The following INTS2 variants were observed in gnomAD, a reference collection of about 807,000 sequenced individuals.
INTS2 encodes the protein integrator complex subunit 2, also known as KIAA1287.
Under a neutral mutation model 139.6 loss-of-function variants are expected in INTS2, and 57 were observed. That is an observed-to-expected ratio of 0.41 (90% CI 0.33 to 0.51). The LOEUF is 0.51. INTS2 is among the 20% of genes least tolerant of loss of function. INTS2 has a pLI of 0.28. For missense variants in INTS2, 1,196 were observed against 1,436.7 expected (o/e 0.83, Z 2.71); for synonymous variants, 473 against 493.4 (o/e 0.96, Z 0.55).
rs1298186904 is a variant in INTS2, at chr17:61,915,091, C to A, written c.650-3021G>T. Among the ~76,000 whole-genome samples the A allele has an allele frequency of 2.6e-5, 4 of 151,938 alleles. No individual in the cohort carries two copies. The South Asian group carries it at 6.2e-4, about 24-fold the overall frequency. ...CGGTGGCTCACGCCTATAATCCCAG[C>A]ACTTTGGGAGGCCAAGGCAGGCGAT... is the stretch of plus-strand genomic sequence containing the variant. On this transcript the variant is annotated intron_variant, in intron 5 of 24. Transcript: ENST00000251334.
At chr17:61,923,717 T>C (rs545515465) in intron 3 of INTS2, among the ~76,000 whole-genome samples, 13 of 152,242 alleles carry the variant, frequency 8.5e-5, no homozygotes, top group African/African-American at 3.1e-4. Context: ...TTTACTCTTG[T>C]TGCCTAGGCT....
intron 7 of INTS2, chr17:61,910,807 T>A (rs2079519049): frequency 6.6e-6 from 1 of 152,130 alleles, no homozygotes; most frequent in Non-Finnish European, 1.5e-5. Context: ...CCAGTTCTCA[T>A]GAGTCTGGCC....
chr17:61,897,668 C>T lies in INTS2; in HGVS notation c.1379G>A (p.Ser460Asn). The change falls in exon 10 of 25, where the codon AGT (serine) becomes AAT (asparagine). Residue 460 changes from serine to asparagine, a missense_variant and splice_region_variant. Ser to Asn is a conservative substitution (Grantham distance 46, BLOSUM62 1). Around this residue, in one of 3 missense-constraint regions of INTS2, gnomAD observed 1,129 missense variants for 1,341.9 expected, o/e 0.84. Coordinates refer to ENST00000251334, the MANE Select transcript of INTS2 (RefSeq NM_001351695.2). This position sits in a 1 kb window ranked among gnomAD's most constrained non-coding sequence, Gnocchi z 4.4. ...AACTAACTAAATCAAATTATCTTACCTCTCAAAATACGCTTCTTCTTTTAT... is the reference window on the plus strand; with the variant it reads ...AACTAACTAAATCAAATTATCTTACTTCTCAAAATACGCTTCTTCTTTTAT... The part of the protein sequence containing the change: ...WMIKEEAYFE[S>N]TSGVSASFGE... 1.2e-6 allele frequency: 2 copies of T among 1,601,862 alleles called. No individual in the cohort carries two copies. Among genetic ancestry groups the T allele is most frequent in the Non-Finnish European group, 1.7e-6 (2 of 1,173,142 alleles).
At chr17:61,922,543 T>TATATATATATAC (rs1240177230) in intron 3 of INTS2, among the ~76,000 whole-genome samples, 12 of 125,680 alleles carry the variant, frequency 9.5e-5, no homozygotes, top group African/African-American at 2.6e-4. Flanking sequence ...TATATATATA[T>TATATATATATAC]ATACGTGTTC....
At chr17:61,925,407 C>T (rs1190840187) in intron 2 of INTS2, among the ~76,000 whole-genome samples, 2 of 151,538 alleles carry the variant, frequency 1.3e-5, no homozygotes, top group East Asian at 3.9e-4. Context: ...GGTGAAACCT[C>T]GTCTCTACTA....
Position 61,877,873 on chromosome 17 carries a change from T to A in INTS2, c.2456+14A>T. On this transcript the variant is annotated intron_variant, in intron 18 of 24. Coordinates refer to ENST00000251334, the MANE Select transcript of INTS2 (RefSeq NM_001351695.2). ...TATAATTATCTATTACATGTAACAA[T>A]ACACTGAATTTACCTTCTAGGCATC... The A allele has an allele frequency of 3.8e-6, 6 of 1,578,812 alleles. No homozygotes were observed. The highest frequency in any genetic ancestry group is 5.2e-6 in the Non-Finnish European group (6 of 1,147,884).
rs1447884795 is a variant in INTS2 at position 61,871,618 on chromosome 17, A to G, written c.2778+647T>C. Among the ~76,000 whole-genome samples the G allele has an allele frequency of 6.6e-6, 1 of 152,140 alleles. No individual in the cohort carries two copies. Among genetic ancestry groups the G allele is most frequent in the Admixed American group, 6.6e-5 (1 of 15,262 alleles). On this transcript the variant is annotated intron_variant, in intron 20 of 24. Coordinates refer to ENST00000251334, the MANE Select transcript of INTS2 (RefSeq NM_001351695.2). This position sits in a 1 kb window ranked among gnomAD's most constrained non-coding sequence, Gnocchi z 4.9. The stretch of plus-strand genomic sequence containing the variant: ...CAGTTCCTGGAACAATACTTGGCAC[A>G]CAGTAGGTGTCCCAGTAAATATTGG...
chr17:61,865,636 A>AAACATACT lies in INTS2; in HGVS notation c.*1913_*1920dup, dbSNP rs2079038432. On this transcript the variant is annotated 3_prime_UTR_variant, in exon 25 of 25. Coordinates refer to ENST00000251334, the MANE Select transcript of INTS2 (RefSeq NM_001351695.2). The surrounding 1 kb of genome is among the most constrained non-coding windows in gnomAD (Gnocchi z 4.8). ...GGAATGTGCACTGCATTTAATTAGA[A>AAACATACT]AACATACTTTTAACTTTTTCTGAAC... 6.6e-6 allele frequency: 1 copy of AAACATACT among 152,628 alleles called. No individual in the cohort carries two copies. The highest frequency in any genetic ancestry group is 1.5e-5 in the Non-Finnish European group (1 of 68,036). 9.5% of individuals were successfully genotyped at this position (152,628 alleles called of 1,614,324 possible).
rs542357885 is a variant in INTS2, at chr17:61,900,518, CTT to C, written c.1308-2781_1308-2780del. Among the ~76,000 whole-genome samples, 73 of 152,322 alleles carry C rather than the reference CTT, an allele frequency of 4.8e-4. 1 individual carries two copies. Among genetic ancestry groups the C allele is most frequent in the African/African-American group, 1.7e-3 (71 of 41,574 alleles). ...TATCTACCAGCCCTTAACCCTCACT[CTT>C]TAACTTTGTTTATGGGTTTCTGTAT... On this transcript the variant is annotated intron_variant, in intron 9 of 24. Transcript: ENST00000251334.
In INTS2 at chr17:61,909,046, G is replaced by T. The variant is rs1028962164; in HGVS notation, c.955-1412C>A. On this transcript the variant is annotated intron_variant, in intron 7 of 24. Coordinates refer to ENST00000251334, the MANE Select transcript of INTS2 (RefSeq NM_001351695.2). This position sits in a 1 kb window ranked among gnomAD's most constrained non-coding sequence, Gnocchi z 4.9. ...AACATTTTGCAAGTTAAAAACTGTT[G>T]CAAAATACATATGCATAAGCAGGTG... is the stretch of plus-strand genomic sequence containing the variant. Among the ~76,000 whole-genome samples the T allele has an allele frequency of 1.1e-4, 16 of 152,084 alleles. No individual in the cohort carries two copies. The highest frequency in any genetic ancestry group is 7.9e-4 in the Admixed American group (12 of 15,270).
At chr17:61,907,687 T>G in intron 7 of INTS2, 53 bp from the exon 8 acceptor site, 2 of 1,432,466 alleles carry the variant, frequency 1.4e-6, no homozygotes, top group South Asian at 1.2e-5. Context: ...TTTACTAAAC[T>G]AAAAGGGAGC....
At chr17:61,889,402 G>T (rs1324450093) in intron 15 of INTS2, among the ~76,000 whole-genome samples, 1 of 152,108 alleles carries the variant, frequency 6.6e-6, no homozygotes, top group East Asian at 1.9e-4. Context: ...TATTGTTTTT[G>T]ATTAGGTTGT....
intron 15 of INTS2, among the ~76,000 whole-genome samples, chr17:61,886,655 C>A (rs969139974): frequency 6.6e-6 from 1 of 152,182 alleles, no homozygotes; most frequent in African/African-American, 2.4e-5. Flanking sequence ...CTTTCTCTGT[C>A]TCATCTCTAC....
chr17:61,898,142 GC>G (rs2079368293), intron 9 of INTS2, among the ~76,000 whole-genome samples: 1 of 152,084 alleles, frequency 6.6e-6, no homozygotes, highest in Admixed American at 6.6e-5. Flanking sequence ...CAAACTGAGT[GC>G]CAAACAGTAA....
chr17:61,927,931 G>C lies in INTS2; in HGVS notation c.-296C>G, dbSNP rs1442684205. ...GGGAGACTTTTTCAACCTGCACCCA[G>C]CACCTTCATTCATCCCCAGCGTCTG... On this transcript the variant is annotated 5_prime_UTR_variant, in exon 1 of 25. Transcript: ENST00000251334. 1 of 1,613,992 alleles carries C rather than the reference G, an allele frequency of 6.2e-7. No individual in the cohort carries two copies. Among genetic ancestry groups the C allele is most frequent in the Non-Finnish European group, 8.5e-7 (1 of 1,179,894 alleles).
Position 61,869,845 on chromosome 17 carries a change from T to C in INTS2, c.2922A>G (p.Gly974=), listed in dbSNP as rs1338671926. 3.1e-6 allele frequency: 5 copies of C among 1,613,940 alleles called. No homozygotes were observed. The highest frequency in any genetic ancestry group is 3.4e-6 in the Non-Finnish European group (4 of 1,179,830). ...TSAPNKGMEE[G]EDNLLCNLRE... ...GAAGGTTACAGAGCAAATTGTCTTCTCCTTCCTCCATTCCCTTATTTGGAG... is the reference window on the plus strand; with the variant it reads ...GAAGGTTACAGAGCAAATTGTCTTCCCCTTCCTCCATTCCCTTATTTGGAG... Residue 974 remains glycine, a synonymous_variant, in exon 21 of 25, where the codon GGA becomes GGG. Coordinates refer to ENST00000251334, the MANE Select transcript of INTS2 (RefSeq NM_001351695.2). The surrounding 1 kb of genome is among the most constrained non-coding windows in gnomAD (Gnocchi z 5.4).
intron 3 of INTS2, among the ~76,000 whole-genome samples, chr17:61,922,548 G>GTATATATATATATATATATATA (rs1491297129): frequency 2.5e-5 from 2 of 81,038 alleles, no homozygotes; most frequent in Admixed American, 1.4e-4. Context: ...ATATATATAC[G>GTATATATATATATATATATATA]TGTTCAATTC....
Position 61,866,258 on chromosome 17 carries a change from G to A in INTS2, c.*1299C>T. The stretch of plus-strand genomic sequence containing the variant: ...TGCAGTCCCAGCTACTCAGGAGGTT[G>A]AGGCACGAGAATCCCTTGAACCCAG... On this transcript the variant is annotated 3_prime_UTR_variant, in exon 25 of 25. Coordinates refer to ENST00000251334, the MANE Select transcript of INTS2 (RefSeq NM_001351695.2). The A allele has an allele frequency of 6.6e-6, 1 of 151,670 alleles. No homozygotes were observed. The highest frequency in any genetic ancestry group is 1.9e-4 in the East Asian group (1 of 5,158). The allele number at this position is 151,670 out of a possible 1,614,324, so 9.4% of individuals were successfully genotyped here.
At chr17:61,918,720 T>C (rs1047070294) in intron 5 of INTS2, among the ~76,000 whole-genome samples, 1 of 152,168 alleles carries the variant, frequency 6.6e-6, no homozygotes, top group South Asian at 2.1e-4. Context: ...AAGTTTTAAA[T>C]AGAGGTGAAA....
Sources: gnomAD v4.1 joint callset for allele counts (sites outside exome capture counted in the v4.1 genomes callset) on GRCh38, gnomAD v4.1.1 for gene constraint, gnomAD v4.1.1 regional missense constraint, Gnocchi (gnomAD v3.1) non-coding constraint, MANE v1.5 for transcripts, NCBI Gene and HGNC (gene_info 2026-07-23, HGNC 2026-07-21) for gene names.